Variants in MARCHF1 observed in about 807,000 individuals in gnomAD.
MARCHF1 encodes E3 ubiquitin-protein ligase MARCHF1.
MARCHF1 carries 40 observed loss-of-function variants against 54.2 expected under a neutral mutation model. That is an observed-to-expected ratio of 0.74 (90% CI 0.57 to 0.96). The LOEUF (loss-of-function observed/expected upper bound fraction) is 0.96, where lower values mean the gene tolerates loss of function less well. Ranked by LOEUF, MARCHF1 falls within the 40% of genes least tolerant of loss-of-function variation. MARCHF1 has a pLI of 0.00. For missense variants in MARCHF1, 586 were observed against 656.5 expected, an observed-to-expected ratio of 0.89 and a Z score of 1.17; for synonymous variants, 236 against 236.3, an observed-to-expected ratio of 1.00 and a Z score of 0.01.
chr4:164,274,658 A>ACTT lies in MARCHF1; in HGVS notation c.-323+109209_-323+109211dup, dbSNP rs1168873488. ...TCGCTTGATGTGTGCTTCAGGGTAC[A>ACTT]CTTTTTTTTTTTTTTTTTTTTTTTT... On this transcript the variant is annotated intron_variant, in intron 1 of 9. Transcript: ENST00000514618. Among the ~76,000 whole-genome samples the ACTT allele has an allele frequency of 3.1e-3, 137 of 44,900 alleles. 42 individuals are homozygous for ACTT. The highest frequency in any genetic ancestry group is 0.023 in the African/African-American group (135 of 5,974). 29.5% of individuals were successfully genotyped at this position (44,900 alleles called of 152,430 possible).
intron 1 of MARCHF1, among the ~76,000 whole-genome samples, chr4:164,135,253 T>G (rs1270156562): frequency 6.6e-6 from 1 of 152,208 alleles, no homozygotes; most frequent in Non-Finnish European, 1.5e-5. Context: ...TAGAGAACAC[T>G]GCCTTTTAAA....
chr4:164,234,271 A>G (rs917440318), intron 1 of MARCHF1, among the ~76,000 whole-genome samples: 3 of 152,180 alleles, frequency 2.0e-5, no homozygotes, highest in Non-Finnish European at 4.4e-5. Flanking sequence ...AACTCTTTCA[A>G]AAAGGCTTAT....
At chr4:163,693,780 G>A (rs761165799) in intron 5 of MARCHF1, among the ~76,000 whole-genome samples, 1 of 152,196 alleles carries the variant, frequency 6.6e-6, no homozygotes, top group South Asian at 2.1e-4. Context: ...AGTAGGCAGA[G>A]CAGCAATTTA....
chr4:163,780,087 A>C (rs1230112939), intron 4 of MARCHF1, among the ~76,000 whole-genome samples: 1 of 152,218 alleles, frequency 6.6e-6, no homozygotes, highest in Non-Finnish European at 1.5e-5. Context: ...GACAAAATTG[A>C]GAACAGTCAA....
chr4:163,921,051 T>C (rs982708940), intron 3 of MARCHF1, among the ~76,000 whole-genome samples: 83 of 152,316 alleles, frequency 5.4e-4, no homozygotes, highest in African/African-American at 1.9e-3. Context: ...AATTGAATTA[T>C]ATCAAAGCAT....
At chr4:164,082,290 C>T (rs1042436129) in intron 2 of MARCHF1, among the ~76,000 whole-genome samples, 10 of 152,042 alleles carry the variant, frequency 6.6e-5, no homozygotes, top group South Asian at 2.1e-4. Flanking sequence ...GTAAATTGTC[C>T]GCAAGAACAC....
intron 2 of MARCHF1, among the ~76,000 whole-genome samples, chr4:164,034,080 T>C (rs1017252059): frequency 8.6e-4 from 83 of 96,222 alleles, no homozygotes; most frequent in East Asian, 8.2e-3. Flanking sequence ...GATAGATAGA[T>C]AGATAGATAG....
intron 5 of MARCHF1, among the ~76,000 whole-genome samples, chr4:163,640,588 A>G (rs533412082): frequency 6.6e-6 from 1 of 152,250 alleles, no homozygotes; most frequent in South Asian, 2.1e-4. Context: ...GCCTGGAAAA[A>G]TTTTAAAGTA....
At chr4:164,326,167 T>C (rs750930586) in intron 1 of MARCHF1, among the ~76,000 whole-genome samples, 33 of 152,322 alleles carry the variant, frequency 2.2e-4, no homozygotes, top group East Asian at 7.7e-4. Flanking sequence ...TTCTTGCCTT[T>C]ACTAGAATTG....
At chr4:163,624,570 C>A (rs753578207) in intron 5 of MARCHF1, among the ~76,000 whole-genome samples, 3 of 152,216 alleles carry the variant, frequency 2.0e-5, no homozygotes, top group Non-Finnish European at 4.4e-5. Flanking sequence ...TAAACTCAGA[C>A]TAATCCTCAG....
chr4:163,564,181 C>T (rs1739564844), intron 8 of MARCHF1, among the ~76,000 whole-genome samples: 2 of 152,176 alleles, frequency 1.3e-5, no homozygotes, highest in East Asian at 1.9e-4. Flanking sequence ...ATCTTTTGTG[C>T]GTTGAGATGG....
At chr4:164,047,432 C>T (rs1170214654) in intron 2 of MARCHF1, among the ~76,000 whole-genome samples, 4 of 152,164 alleles carry the variant, frequency 2.6e-5, no homozygotes, top group Admixed American at 2.0e-4. Context: ...CAGCCAAATC[C>T]ACATGGACTT....
At chr4:164,186,372 A>G (rs1730970755) in intron 1 of MARCHF1, among the ~76,000 whole-genome samples, 1 of 152,224 alleles carries the variant, frequency 6.6e-6, no homozygotes, top group South Asian at 2.1e-4. Context: ...AATTGATATC[A>G]TTTAGCCATG....
chr4:164,260,688 T>C (rs1166044545), intron 1 of MARCHF1, among the ~76,000 whole-genome samples: 3 of 152,246 alleles, frequency 2.0e-5, no homozygotes, highest in African/African-American at 4.8e-5. Flanking sequence ...TAGGAACTCA[T>C]AGAAAGACCA....
chr4:164,304,966 T>A (rs1273099372), intron 1 of MARCHF1, among the ~76,000 whole-genome samples: 2 of 152,212 alleles, frequency 1.3e-5, no homozygotes, highest in Non-Finnish European at 2.9e-5. Context: ...ATTTGATGAA[T>A]CTGAATGTTT....
intron 1 of MARCHF1, among the ~76,000 whole-genome samples, chr4:164,323,832 C>T (rs913092765): frequency 7.9e-5 from 12 of 151,522 alleles, no homozygotes; most frequent in Non-Finnish European, 1.3e-4. Flanking sequence ...ATAAAGAGAT[C>T]GGAAATGTGA....
At chr4:164,332,291 A>G (rs1449053621) in intron 1 of MARCHF1, among the ~76,000 whole-genome samples, 1 of 152,192 alleles carries the variant, frequency 6.6e-6, no homozygotes, top group East Asian at 1.9e-4. Flanking sequence ...TACCTGCCAG[A>G]GCCTGTTATT....
intron 4 of MARCHF1, among the ~76,000 whole-genome samples, chr4:163,831,241 A>G (rs1270726922): frequency 2.0e-5 from 3 of 152,156 alleles, no homozygotes; most frequent in Non-Finnish European, 4.4e-5. Flanking sequence ...AACCAAGGAA[A>G]TTGCCCAGGT....
chr4:163,764,953 T>C (rs1002637122), intron 4 of MARCHF1, among the ~76,000 whole-genome samples: 1 of 152,110 alleles, frequency 6.6e-6, no homozygotes, highest in East Asian at 1.9e-4. Context: ...ACAAAATAAA[T>C]ATTCAGGCTC....
Sources: gnomAD v4.1 joint callset for allele counts (sites outside exome capture counted in the v4.1 genomes callset) on GRCh38, gnomAD v4.1.1 for gene constraint, MANE v1.5 for transcripts, NCBI Gene and HGNC (gene_info 2026-07-23, HGNC 2026-07-21) for gene names.